Variants in NAMPT observed in about 807,000 individuals in gnomAD.
The protein encoded by NAMPT is NAmPRTase.
Under a neutral mutation model 58.7 loss-of-function variants are expected in NAMPT, and 7 were observed. The observed-to-expected ratio is 0.12, with a 90% CI of 0.07 to 0.22. The LOEUF is 0.22. NAMPT is among the 10% of genes least tolerant of loss of function. The pLI, the probability that NAMPT is intolerant of heterozygous loss-of-function variation, is 1.00. For missense variants in NAMPT, 271 were observed against 567.9 expected (o/e 0.48, Z 5.31); for synonymous variants, 145 against 198.1 (o/e 0.73, Z 2.25).
In NAMPT at chr7:106,254,124, A is replaced by C. The variant is rs758918355; in HGVS notation, c.1230+240T>G. 9.2e-5 allele frequency among the ~76,000 whole-genome samples: 14 copies of C among 152,190 alleles called. No individual in the cohort carries two copies. In the South Asian group the frequency reaches 1.4e-3, roughly 16 times the overall value. On this transcript the variant is annotated intron_variant, in intron 9 of 10. Coordinates refer to ENST00000222553, the MANE Select transcript of NAMPT (RefSeq NM_005746.3). ...CAGTGGGAAATGACTGACCTGTATT[A>C]TCTCTCTTAAATAATCTTTTTCCTT...
chr7:106,283,453 C>G (rs1254870127), intron 1 of NAMPT, among the ~76,000 whole-genome samples: 1 of 151,974 alleles, frequency 6.6e-6, no homozygotes, highest in East Asian at 1.9e-4. Flanking sequence ...AAAAAAAAAT[C>G]TGACAGTTAT....
At chr7:106,269,025 T>C (rs765187615) in intron 5 of NAMPT, 129 bp downstream of exon 5, 12 of 805,696 alleles carry the variant, frequency 1.5e-5, no homozygotes, top group Non-Finnish European at 2.2e-5. Flanking sequence ...GTACTGAATA[T>C]GTATCTGTTG....
Position 106,251,017 on chromosome 7 carries a change from A to T in NAMPT, c.*66T>A. Reference sequence around the variant, plus strand: ...GGCTGTAATGTATCATAAAACACAAACCCCACACATCTGTACAATAAACAT... The same window carrying T: ...GGCTGTAATGTATCATAAAACACAATCCCCACACATCTGTACAATAAACAT... On this transcript the variant is annotated 3_prime_UTR_variant, in exon 11 of 11. Coordinates refer to ENST00000222553, the MANE Select transcript of NAMPT (RefSeq NM_005746.3). The T allele has an allele frequency of 5.7e-6, 7 of 1,222,052 alleles. No homozygotes were observed. The Admixed American group carries it at 1.1e-4, about 19-fold the overall frequency. The allele number at this position is 1,222,052 out of a possible 1,614,324, so 75.7% of individuals were successfully genotyped here.
At chr7:106,258,994 A>G (rs1163080863) in intron 8 of NAMPT, among the ~76,000 whole-genome samples, 1 of 152,232 alleles carries the variant, frequency 6.6e-6, no homozygotes, top group Non-Finnish European at 1.5e-5. Flanking sequence ...TTCTTTCAAA[A>G]TTGGGAGTGC....
Position 106,250,893 on chromosome 7 carries a change from T to G in NAMPT, c.*190A>C, listed in dbSNP as rs559520645. The G allele has an allele frequency of 3.4e-6, 2 of 580,218 alleles. No individual in the cohort carries two copies. The highest frequency in any genetic ancestry group is 6.8e-5 in the Admixed American group (2 of 29,372). The allele number at this position is 580,218 out of a possible 1,614,324, so 35.9% of individuals were successfully genotyped here. ...TAAAAAGCTTACTTTAGCACTCATC[T>G]TTTACATGGTTAAATGCATTTCCTA... On this transcript the variant is annotated 3_prime_UTR_variant, in exon 11 of 11. Transcript: ENST00000222553.
At chr7:106,269,057 A>G in intron 5 of NAMPT, 97 bp downstream of exon 5, 1 of 1,170,352 alleles carries the variant, frequency 8.5e-7, no homozygotes, top group Non-Finnish European at 1.2e-6. Flanking sequence ...GGAATTTTAG[A>G]ACCAAGATCA....
At chr7:106,270,056 G>T (rs1792502112) in intron 4 of NAMPT, among the ~76,000 whole-genome samples, 1 of 152,162 alleles carries the variant, frequency 6.6e-6, no homozygotes, top group African/African-American at 2.4e-5. Context: ...TTGTAATTCA[G>T]TGACTATTAA....
chr7:106,285,003 G>C, upstream of NAMPT: 1 of 1,458,294 alleles, frequency 6.9e-7, no homozygotes, highest in Admixed American at 2.1e-5. Context: ...GCGGAGGAGG[G>C]GGAGAGGGGG....
chr7:106,258,996 T>C (rs116722128), intron 8 of NAMPT, among the ~76,000 whole-genome samples: 5,142 of 152,350 alleles, frequency 0.034, 127 homozygotes, highest in African/African-American at 0.07. Flanking sequence ...CTTTCAAAAT[T>C]GGGAGTGCAT....
At chr7:106,251,865 C>A (rs544249850) in intron 10 of NAMPT, among the ~76,000 whole-genome samples, 44 of 152,050 alleles carry the variant, frequency 2.9e-4, no homozygotes, top group African/African-American at 9.9e-4. Context: ...TCTGGTAGAG[C>A]CACTCCTGTC....
intron 5 of NAMPT, 72 bp downstream of exon 5, chr7:106,269,082 C>G: frequency 7.1e-7 from 1 of 1,412,434 alleles, no homozygotes; most frequent in East Asian, 2.3e-5. Context: ...CAATAACGTC[C>G]CCAAAAGTTT....
At position 106,258,898 on chromosome 7, in the gene NAMPT, T is replaced by C. The variant is rs568681936; in HGVS notation, c.1089+2690A>G. On this transcript the variant is annotated intron_variant, in intron 8 of 10. Coordinates refer to ENST00000222553, the MANE Select transcript of NAMPT (RefSeq NM_005746.3). ...TGCCTTAAAATGACAACAATGAAGT[T>C]TGTCACGTCAATTGACTCTATCACG... Among the ~76,000 whole-genome samples the C allele has an allele frequency of 1.5e-3, 222 of 151,806 alleles. 1 individual carries two copies. The highest frequency in any genetic ancestry group is 4.4e-3 in the African/African-American group (180 of 41,168).
chr7:106,265,568 A>T (rs10271366), intron 6 of NAMPT, among the ~76,000 whole-genome samples: 3 of 59,434 alleles, frequency 5.0e-5, no homozygotes, highest in Admixed American at 2.2e-4. Flanking sequence ...TCAAAAGCTT[A>T]AAAAAAAAAA....
At chr7:106,277,606 A>G (rs1053822649) in intron 1 of NAMPT, among the ~76,000 whole-genome samples, 1 of 152,206 alleles carries the variant, frequency 6.6e-6, no homozygotes, top group African/African-American at 2.4e-5. Flanking sequence ...TAACATGACT[A>G]CTTTACTTGT....
rs1562815992 is a variant in NAMPT, at chr7:106,267,872, A to AAAAAAAAAAAAAAAAAAAAC, written c.743+591_743+592insGTTTTTTTTTTTTTTTTTTT. ...AAAAAAAAAAAAAAAAAAAAAAAAAAAAAACAACCTGATTTACTTTTAATA... is the reference window on the plus strand; with the variant it reads ...AAAAAAAAAAAAAAAAAAAAAAAAAAAAAAAAAAAAAAAAAAAAACAAAACAACCTGATTTACTTTTAATA... On this transcript the variant is annotated intron_variant, in intron 6 of 10. Coordinates refer to ENST00000222553, the MANE Select transcript of NAMPT (RefSeq NM_005746.3). 1.2e-4 allele frequency among the ~76,000 whole-genome samples: 16 copies of AAAAAAAAAAAAAAAAAAAAC among 136,274 alleles called. 1 individual carries two copies. The highest frequency in any genetic ancestry group is 4.3e-4 in the African/African-American group (15 of 34,526). The allele number at this position is 136,274 out of a possible 152,430, so 89.4% of individuals were successfully genotyped here. A position where few individuals can be genotyped will look rare whatever the true frequency, so the allele number is the denominator to read the frequency against.
chr7:106,273,971 C>G lies in NAMPT; in HGVS notation c.318+975G>C, dbSNP rs145752962. On this transcript the variant is annotated intron_variant, in intron 3 of 10. Transcript: ENST00000222553. Reference sequence around the variant, plus strand: ...TGTGAGACTTAAAAGTAACACTCAACATCAAGATACGCCAACAGATTCCAT... The same window carrying G: ...TGTGAGACTTAAAAGTAACACTCAAGATCAAGATACGCCAACAGATTCCAT... Among the ~76,000 whole-genome samples the G allele has an allele frequency of 4.4e-3, 672 of 151,898 alleles. 3 individuals are homozygous for G. Among genetic ancestry groups the G allele is most frequent in the African/African-American group, 0.015 (620 of 41,384 alleles).
intron 8 of NAMPT, among the ~76,000 whole-genome samples, chr7:106,255,039 TAG>T (rs1229652007): frequency 3.9e-5 from 6 of 152,138 alleles, no homozygotes; most frequent in African/African-American, 1.4e-4. Context: ...GGTATACTGG[TAG>T]AGTCATTTTA....
At chr7:106,257,830 G>A (rs1003426451) in intron 8 of NAMPT, among the ~76,000 whole-genome samples, 1 of 152,196 alleles carries the variant, frequency 6.6e-6, no homozygotes, top group East Asian at 1.9e-4. Context: ...GCAACAGGCA[G>A]GCTAATGGGA....
chr7:106,274,540 TG>T (rs1792597981), intron 3 of NAMPT, among the ~76,000 whole-genome samples: 1 of 152,086 alleles, frequency 6.6e-6, no homozygotes, highest in African/African-American at 2.4e-5. Flanking sequence ...AAAAAAGAAC[TG>T]TAATGATACT....
Sources: allele counts gnomAD v4.1 joint callset (sites outside exome capture counted in the v4.1 genomes callset), GRCh38; gene constraint gnomAD v4.1.1; transcripts MANE v1.5; gene names NCBI Gene and HGNC (gene_info 2026-07-23, HGNC 2026-07-21).